PADI4: variants seen among roughly 807,000 people sequenced by gnomAD.
PADI4 encodes peptidyl arginine deiminase 4.
PADI4 carries 62 observed loss-of-function variants against 75.0 expected under a neutral mutation model. The observed-to-expected ratio is 0.83, with a 90% CI of 0.67 to 1.02. The LOEUF (loss-of-function observed/expected upper bound fraction) is 1.02, where lower values mean the gene tolerates loss of function less well. PADI4 is among the 50% of genes least tolerant of loss of function. The pLI is 0.00. For synonymous variants in PADI4, 361 were observed against 348.1 expected (o/e 1.04, Z -0.41); for missense variants, 845 against 850.5 (o/e 0.99, Z 0.08).
At position 17,328,956 on chromosome 1, in the gene PADI4, G is replaced by A. The variant is rs147475749; in HGVS notation, c.93-2013G>A. Among the ~76,000 whole-genome samples the A allele has an allele frequency of 5.7e-3, 846 of 148,014 alleles. 10 individuals are homozygous for A. The highest frequency in any genetic ancestry group is 0.02 in the African/African-American group (807 of 40,416). On this transcript the variant is annotated intron_variant, in intron 1 of 15. Coordinates refer to ENST00000375448, the MANE Select transcript of PADI4 (RefSeq NM_012387.3). Reference sequence around the variant, plus strand: ...GGTGAAAATCTGATTTTAAAATATCGGTTTTTGTTCATCCAAAAATATCTA... The same window carrying A: ...GGTGAAAATCTGATTTTAAAATATCAGTTTTTGTTCATCCAAAAATATCTA...
At chr1:17,319,822 T>C (rs953720135) in intron 1 of PADI4, among the ~76,000 whole-genome samples, 2 of 152,210 alleles carry the variant, frequency 1.3e-5, no homozygotes, top group African/African-American at 4.8e-5. Flanking sequence ...TTTGAACAGT[T>C]GGCTGCCTGA....
At position 17,358,344 on chromosome 1, in the gene PADI4, G is replaced by T. The variant is rs1476788320; in HGVS notation, c.1559-494G>T. ...GCACTTTGGGAGGCCGAGGCGGGCG[G>T]ATCACGAGGTCAGGAGATCGAGACC... On this transcript the variant is annotated intron_variant, in intron 13 of 15. Transcript: ENST00000375448. Among the ~76,000 whole-genome samples the T allele has an allele frequency of 6.3e-4, 8 of 12,678 alleles. 4 individuals are homozygous for T. In the African/African-American group the frequency reaches 8.3e-3, roughly 13 times the overall value. The allele number at this position is 12,678 out of a possible 152,430, so 8.3% of individuals were successfully genotyped here. A position where few individuals can be genotyped will look rare whatever the true frequency, so the allele number is the denominator to read the frequency against.
chr1:17,360,428 G>T (rs1294458219), intron 15 of PADI4, among the ~76,000 whole-genome samples: 1 of 152,140 alleles, frequency 6.6e-6, no homozygotes, highest in Admixed American at 6.5e-5. Flanking sequence ...AGTCTCTGTT[G>T]ATTAGGCAAA....
At chr1:17,310,947 A>C (rs1354530522) in intron 1 of PADI4, among the ~76,000 whole-genome samples, 1 of 152,094 alleles carries the variant, frequency 6.6e-6, no homozygotes, top group African/African-American at 2.4e-5. Flanking sequence ...AAATACAAAA[A>C]TTAGCCGGGC....
intron 6 of PADI4, among the ~76,000 whole-genome samples, chr1:17,340,809 AT>A (rs1396229934): frequency 2.6e-4 from 28 of 105,884 alleles, no homozygotes; most frequent in African/African-American, 5.5e-4. Flanking sequence ...TTTTTTTTTA[AT>A]TTTTTTTTTT....
intron 15 of PADI4, among the ~76,000 whole-genome samples, chr1:17,359,946 C>T (rs1004768579): frequency 1.3e-5 from 2 of 152,140 alleles, no homozygotes; most frequent in Admixed American, 6.5e-5. Flanking sequence ...CCTTCAACAG[C>T]GGGTGCCAGG....
chr1:17,357,867 G>T (rs1396109718), intron 13 of PADI4, among the ~76,000 whole-genome samples: 4 of 151,246 alleles, frequency 2.6e-5, no homozygotes, highest in Non-Finnish European at 4.4e-5. Context: ...GGAGGTGGAG[G>T]TTGCAGTGAG....
Position 17,346,749 on chromosome 1 carries a change from C to G in PADI4, c.1047+610C>G, listed in dbSNP as rs1173962458. Among the ~76,000 whole-genome samples the G allele has an allele frequency of 6.6e-6, 1 of 152,142 alleles. No homozygotes were observed. The highest frequency in any genetic ancestry group is 6.5e-5 in the Admixed American group (1 of 15,276). ...GCCTTGCTTTGCCTCGGGACCCTGT[C>G]CTTCCATGCCGCACCCCTGCGGTGC... On this transcript the variant is annotated intron_variant, in intron 9 of 15. Transcript: ENST00000375448. The surrounding 1 kb of genome is among the most constrained non-coding windows in gnomAD (Gnocchi z 4.3).
Position 17,315,519 on chromosome 1 carries a change from G to C in PADI4, c.92+7205G>C, listed in dbSNP as rs2073917108. Among the ~76,000 whole-genome samples, 2 of 151,932 alleles carry C rather than the reference G, an allele frequency of 1.3e-5. 1 individual carries two copies. The highest frequency in any genetic ancestry group is 4.8e-5 in the African/African-American group (2 of 41,340). On this transcript the variant is annotated intron_variant, in intron 1 of 15. Coordinates refer to ENST00000375448, the MANE Select transcript of PADI4 (RefSeq NM_012387.3). ...ATTGAGAGGGATATGGAGAGAAAGAGAACATACTCAAAAACATTCCACCAT... is the reference window on the plus strand; with the variant it reads ...ATTGAGAGGGATATGGAGAGAAAGACAACATACTCAAAAACATTCCACCAT...
At chr1:17,343,796 T>C (rs1748017) in intron 8 of PADI4, among the ~76,000 whole-genome samples, 103,788 of 152,026 alleles carry the variant, frequency 0.68, 35,534 homozygotes, top group Non-Finnish European at 0.7. Flanking sequence ...CCCACCATGG[T>C]GTCCCCAGCC....
chr1:17,342,594 C>T (rs1030566381), intron 8 of PADI4, among the ~76,000 whole-genome samples, 192 bp downstream of exon 8: 1 of 152,162 alleles, frequency 6.6e-6, no homozygotes, highest in African/African-American at 2.4e-5. Flanking sequence ...TGCCCTGATG[C>T]AGCTGAGGCT....
Position 17,308,235 on chromosome 1 carries a change from A to G in PADI4, c.13A>G (p.Thr5Ala). The G allele has an allele frequency of 6.2e-7, 1 of 1,613,856 alleles. No homozygotes were observed. The highest frequency in any genetic ancestry group is 8.5e-7 in the Non-Finnish European group (1 of 1,179,856). Residue 5 changes from threonine to alanine, a missense_variant, in exon 1 of 16, where the codon ACA (threonine) becomes GCA (alanine). Coordinates refer to ENST00000375448, the MANE Select transcript of PADI4 (RefSeq NM_012387.3). MAQG[T>A]LIRVTPEQPT... ...AGCTAGCCCGACGATGGCCCAGGGG[A>G]CATTGATCCGTGTGACCCCAGAGCA... is the stretch of plus-strand genomic sequence containing the variant.
At chr1:17,340,889 C>T (rs1448447196) in intron 6 of PADI4, among the ~76,000 whole-genome samples, 1 of 150,982 alleles carries the variant, frequency 6.6e-6, no homozygotes, top group African/African-American at 2.4e-5. Context: ...CAGCCTCCAC[C>T]TCCTGGGTTC....
chr1:17,359,333 G>C lies in PADI4; in HGVS notation c.1683G>C (p.Glu561Asp), dbSNP rs564794141. ...TGAAGCGGGAGCTGGGCCTGGCCGAGAGTGACATCATTGACATCCCGCAGC... is the reference window on the plus strand; with the variant it reads ...TGAAGCGGGAGCTGGGCCTGGCCGACAGTGACATCATTGACATCCCGCAGC... The part of the protein sequence containing the change: ...ELLKRELGLA[E>D]SDIIDIPQLF... The change falls in exon 15 of 16, where the codon GAG becomes GAC. Residue 561 changes from glutamate (E) to aspartate (D), a missense_variant. Transcript: ENST00000375448. 6.1e-5 allele frequency: 99 copies of C among 1,613,626 alleles called. No homozygotes were observed. The South Asian group carries it at 1.0e-3, about 16-fold the overall frequency.
At chr1:17,324,547 G>A (rs1048765829) in intron 1 of PADI4, among the ~76,000 whole-genome samples, 4 of 152,142 alleles carry the variant, frequency 2.6e-5, no homozygotes, top group East Asian at 1.9e-4. Flanking sequence ...TGCCCTGGCT[G>A]GCCTTGAACT....
chr1:17,324,448 TTG>T (rs2074087011), intron 1 of PADI4, among the ~76,000 whole-genome samples: 1 of 152,158 alleles, frequency 6.6e-6, no homozygotes, highest in Non-Finnish European at 1.5e-5. Context: ...TTACTTTATA[TTG>T]TCTTTTGATT....
At chr1:17,329,283 G>A (rs1957879) in intron 1 of PADI4, among the ~76,000 whole-genome samples, 80,860 of 146,400 alleles carry the variant, frequency 0.55, 22,509 homozygotes, top group East Asian at 0.59. Context: ...CCAAGATCAC[G>A]CCACTGCACT....
At chr1:17,326,037 A>AT (rs1181728022) in intron 1 of PADI4, among the ~76,000 whole-genome samples, 2 of 150,994 alleles carry the variant, frequency 1.3e-5, no homozygotes, top group Non-Finnish European at 3.0e-5. Flanking sequence ...AGGTTTTCAC[A>AT]TTTTCCCTGT....
At chr1:17,347,824 A>G (rs971717343) in intron 9 of PADI4, 117 bp from the exon 10 acceptor site, 2 of 546,186 alleles carry the variant, frequency 3.7e-6, no homozygotes, top group African/African-American at 3.8e-5. Context: ...TCCCATAGGA[A>G]TGTGCCCTTG....
Sources: allele counts gnomAD v4.1 joint callset (sites outside exome capture counted in the v4.1 genomes callset), GRCh38; gene constraint gnomAD v4.1.1; non-coding constraint Gnocchi (gnomAD v3.1); transcripts MANE v1.5; gene names NCBI Gene and HGNC (gene_info 2026-07-23, HGNC 2026-07-21).